Variants in CYP4Z1 observed in about 807,000 individuals in gnomAD.
The protein encoded by CYP4Z1 is cytochrome P450 4Z1.
In CYP4Z1, 41 loss-of-function variants were observed where a neutral mutation model predicts 54.2. The observed-to-expected ratio is 0.76, with a 90% CI of 0.59 to 0.98. The LOEUF is 0.98. Among genes scored for constraint, CYP4Z1 ranks in the 50% least tolerant of loss-of-function variants. The pLI, the probability that CYP4Z1 is intolerant of heterozygous loss-of-function variation, is 0.00. For synonymous variants in CYP4Z1, 163 were observed against 206.2 expected (o/e 0.79, Z 1.79); for missense variants, 513 against 599.0 (o/e 0.86, Z 1.50).
intron 9 of CYP4Z1, 162 bp from the exon 10 acceptor site, chr1:47,115,367 A>C (rs1473435561): frequency 1.7e-6 from 1 of 589,978 alleles, no homozygotes; most frequent in African/African-American, 1.9e-5. Context: ...TAATGGGTGC[A>C]GCACACCAAC....
At chr1:47,117,474 G>A (rs533409230) in intron 11 of CYP4Z1, among the ~76,000 whole-genome samples, 35 of 152,160 alleles carry the variant, frequency 2.3e-4, no homozygotes, top group Non-Finnish European at 3.5e-4. Context: ...ATCTTGGCTG[G>A]GTGCGGTGGC....
intron 6 of CYP4Z1, among the ~76,000 whole-genome samples, 171 bp from the exon 7 acceptor site, chr1:47,094,395 C>T (rs541017104): frequency 3.0e-4 from 46 of 151,786 alleles, no homozygotes; most frequent in South Asian, 8.3e-4. Context: ...TGGGATGGGA[C>T]GATTTTTTTA....
At chr1:47,108,523 T>C (rs1160642462) in intron 9 of CYP4Z1, among the ~76,000 whole-genome samples, 2 of 151,820 alleles carry the variant, frequency 1.3e-5, no homozygotes, top group Admixed American at 1.3e-4. Context: ...AAAAGAAACA[T>C]GTTTATGATG....
At chr1:47,106,601 C>A (rs1157225346) in intron 9 of CYP4Z1, among the ~76,000 whole-genome samples, 1 of 152,234 alleles carries the variant, frequency 6.6e-6, no homozygotes, top group Non-Finnish European at 1.5e-5. Flanking sequence ...AGAGCAGACA[C>A]AAAGCAGCAG....
At chr1:47,114,325 C>A (rs1273488333) in intron 9 of CYP4Z1, among the ~76,000 whole-genome samples, 6 of 151,912 alleles carry the variant, frequency 3.9e-5, no homozygotes, top group African/African-American at 9.7e-5. Context: ...AATGTTAGAC[C>A]TAAAACCATA....
At chr1:47,115,398 T>A (rs1644822420) in intron 9 of CYP4Z1, 131 bp from the exon 10 acceptor site, 6 of 755,258 alleles carry the variant, frequency 7.9e-6, no homozygotes, top group Admixed American at 2.6e-5. Context: ...TATACATATG[T>A]AACAAACCTT....
At chr1:47,066,436 G>C (rs1644451655), upstream of CYP4Z1, among the ~76,000 whole-genome samples, 1 of 152,124 alleles carries the variant, frequency 6.6e-6, no homozygotes, top group Non-Finnish European at 1.5e-5. Context: ...CATCTCAATA[G>C]CTGCAGAAAA....
At chr1:47,097,940 C>A (rs758257353) in intron 7 of CYP4Z1, among the ~76,000 whole-genome samples, 4 of 151,350 alleles carry the variant, frequency 2.6e-5, no homozygotes, top group African/African-American at 9.7e-5. Flanking sequence ...CTCAGTCTCC[C>A]GAGTAGCTGG....
intron 11 of CYP4Z1, among the ~76,000 whole-genome samples, chr1:47,117,415 A>G (rs1255268044): frequency 6.6e-6 from 1 of 152,162 alleles, no homozygotes; most frequent in African/African-American, 2.4e-5. Context: ...TTAACTTAAA[A>G]TAAAACATTT....
intron 8 of CYP4Z1, among the ~76,000 whole-genome samples, chr1:47,102,998 C>T (rs895926895): frequency 1.6e-4 from 25 of 152,114 alleles, no homozygotes; most frequent in Admixed American, 6.5e-5. Flanking sequence ...TTATATGTCA[C>T]ATAGGCTCTG....
intron 6 of CYP4Z1, among the ~76,000 whole-genome samples, chr1:47,088,612 G>GT (rs1644615335): frequency 7.4e-6 from 1 of 135,208 alleles, no homozygotes; most frequent in South Asian, 2.5e-4. Flanking sequence ...ATTTTTTTTT[G>GT]TTTTTTGTTT....
At chr1:47,078,109 A>G (rs1644538675) in intron 2 of CYP4Z1, among the ~76,000 whole-genome samples, 1 of 152,144 alleles carries the variant, frequency 6.6e-6, no homozygotes. Context: ...GAAATTTTCA[A>G]CCATTATTTC....
At chr1:47,087,504 T>C (rs1644605146) in intron 6 of CYP4Z1, among the ~76,000 whole-genome samples, 1 of 152,226 alleles carries the variant, frequency 6.6e-6, no homozygotes. Flanking sequence ...TTGTCTGTTA[T>C]TGGTGTATAA....
intron 8 of CYP4Z1, among the ~76,000 whole-genome samples, chr1:47,104,037 T>C (rs1216391682): frequency 2.0e-5 from 3 of 152,248 alleles, no homozygotes; most frequent in Non-Finnish European, 4.4e-5. Context: ...ATGTTTCCTG[T>C]GTTCTTACAT....
At chr1:47,098,552 T>G (rs1644696858) in intron 7 of CYP4Z1, among the ~76,000 whole-genome samples, 1 of 152,244 alleles carries the variant, frequency 6.6e-6, no homozygotes, top group Non-Finnish European at 1.5e-5. Flanking sequence ...CTATTCAACT[T>G]GTATATTTTA....
At chr1:47,100,175 TTAGAGG>T (rs538584493) in intron 8 of CYP4Z1, among the ~76,000 whole-genome samples, 493 of 152,354 alleles carry the variant, frequency 3.2e-3, no homozygotes, top group Admixed American at 5.6e-3. Flanking sequence ...CACTCATTTT[TTAGAGG>T]AGCTTCTTTT....
At chr1:47,117,700 T>C in intron 11 of CYP4Z1, 66 bp from the exon 12 acceptor site, 1 of 1,485,780 alleles carries the variant, frequency 6.7e-7, no homozygotes, top group Non-Finnish European at 9.0e-7. Context: ...TATAAAAAGA[T>C]TGGCGTATGT....
At chr1:47,067,722 A>G in intron 1 of CYP4Z1, 55 bp downstream of exon 1, 1 of 1,486,432 alleles carries the variant, frequency 6.7e-7, no homozygotes, top group Non-Finnish European at 9.0e-7. Flanking sequence ...GAGGTATTAA[A>G]AAAAAACAGC....
intron 6 of CYP4Z1, among the ~76,000 whole-genome samples, chr1:47,091,927 G>A (rs1644641134): frequency 6.6e-6 from 1 of 151,190 alleles, no homozygotes; most frequent in South Asian, 2.1e-4. Flanking sequence ...GGAGAAAGGA[G>A]ACTGGCTCTA....
Sources: gnomAD v4.1 joint callset for allele counts (sites outside exome capture counted in the v4.1 genomes callset) on GRCh38, gnomAD v4.1.1 for gene constraint, MANE v1.5 for transcripts, NCBI Gene and HGNC (gene_info 2026-07-23, HGNC 2026-07-21) for gene names.